PDE4B: variants seen among roughly 807,000 people sequenced by gnomAD.
PDE4B encodes phosphodiesterase 4B, also known as 3',5'-cyclic-AMP phosphodiesterase 4B.
Under a neutral mutation model 82.2 loss-of-function variants are expected in PDE4B, and 20 were observed. The observed-to-expected ratio is 0.24, with a 90% CI of 0.17 to 0.35. The LOEUF is 0.35. PDE4B is among the 10% of genes least tolerant of loss of function. The pLI is 1.00. For synonymous variants in PDE4B, 320 were observed against 318.9 expected (o/e 1.00, Z -0.04); for missense variants, 655 against 907.2 (o/e 0.72, Z 3.57).
intron 3 of PDE4B, among the ~76,000 whole-genome samples, chr1:65,991,994 G>T (rs1440282534): frequency 1.3e-5 from 2 of 152,192 alleles, no homozygotes; most frequent in African/African-American, 4.8e-5. Context: ...CATGAACAAT[G>T]AGCTTAAACA....
chr1:66,238,398 A>G (rs1399302709), intron 3 of PDE4B, among the ~76,000 whole-genome samples: 2 of 152,128 alleles, frequency 1.3e-5, no homozygotes, highest in Non-Finnish European at 2.9e-5. Context: ...CATGGCAAGG[A>G]GTTTGGATTT....
At chr1:65,963,738 G>A (rs1422256920) in intron 3 of PDE4B, among the ~76,000 whole-genome samples, 1 of 152,140 alleles carries the variant, frequency 6.6e-6, no homozygotes, top group East Asian at 1.9e-4. Context: ...GGCCTGAGGC[G>A]AGCCCTGTCA....
At chr1:65,993,281 C>T in intron 3 of PDE4B, 3 of 633,406 alleles carry the variant, frequency 4.7e-6, no homozygotes, top group East Asian at 2.8e-5. Context: ...GAGACCAGGT[C>T]AGATGAAGAG....
intron 3 of PDE4B, among the ~76,000 whole-genome samples, chr1:66,186,153 C>T (rs192571218): frequency 6.0e-4 from 92 of 152,134 alleles, no homozygotes; most frequent in African/African-American, 2.0e-3. Flanking sequence ...TTTAGATATG[C>T]GGCATTATTT....
At chr1:66,060,214 G>T (rs1655512250) in intron 3 of PDE4B, among the ~76,000 whole-genome samples, 1 of 152,166 alleles carries the variant, frequency 6.6e-6, no homozygotes, top group Non-Finnish European at 1.5e-5. Flanking sequence ...ATTAAATTTT[G>T]TAGGGCTAGT....
chr1:65,965,787 C>T (rs997731388), intron 3 of PDE4B, among the ~76,000 whole-genome samples: 7 of 152,004 alleles, frequency 4.6e-5, no homozygotes, highest in Admixed American at 6.6e-5. Context: ...ACAGAACCAA[C>T]GACAAAAATC....
intron 1 of PDE4B, among the ~76,000 whole-genome samples, chr1:65,849,483 G>T (rs1337394554): frequency 6.6e-6 from 1 of 152,160 alleles, no homozygotes; most frequent in Non-Finnish European, 1.5e-5. Flanking sequence ...GAAAGAAACT[G>T]GTTAAGTAGA....
At chr1:66,120,811 C>G (rs1046858712) in intron 3 of PDE4B, among the ~76,000 whole-genome samples, 1 of 152,132 alleles carries the variant, frequency 6.6e-6, no homozygotes, top group Non-Finnish European at 1.5e-5. Context: ...CTCCATGGGT[C>G]CCACAGGCAT....
At chr1:66,156,295 C>G (rs933527331) in intron 3 of PDE4B, among the ~76,000 whole-genome samples, 2 of 152,034 alleles carry the variant, frequency 1.3e-5, no homozygotes, top group Non-Finnish European at 2.9e-5. Flanking sequence ...AACAAAGCAA[C>G]TCTTATAAGT....
At chr1:66,143,962 C>T (rs937424045) in intron 3 of PDE4B, among the ~76,000 whole-genome samples, 2 of 152,180 alleles carry the variant, frequency 1.3e-5, no homozygotes, top group Admixed American at 6.5e-5. Flanking sequence ...GTCTGCCTAC[C>T]CCAGACTCCT....
chr1:66,013,433 A>G (rs1021482327), intron 3 of PDE4B, among the ~76,000 whole-genome samples: 2 of 152,128 alleles, frequency 1.3e-5, no homozygotes, highest in African/African-American at 4.8e-5. Flanking sequence ...TGGAAGAACT[A>G]TCTTCATTTC....
intron 1 of PDE4B, among the ~76,000 whole-genome samples, chr1:65,882,573 C>T (rs1245251971): frequency 6.6e-6 from 1 of 151,736 alleles, no homozygotes; most frequent in Non-Finnish European, 1.5e-5. Flanking sequence ...AGTCAATAAC[C>T]ATTATTAATG....
At chr1:66,195,052 T>A (rs1648172389) in intron 3 of PDE4B, among the ~76,000 whole-genome samples, 1 of 151,086 alleles carries the variant, frequency 6.6e-6, no homozygotes, top group Non-Finnish European at 1.5e-5. Context: ...TCCAGGAACA[T>A]TTGTTATTCA....
rs575121963 is a variant in PDE4B at position 66,331,134 on chromosome 1, C to A, written c.635-1374C>A. Among the ~76,000 whole-genome samples the A allele has an allele frequency of 2.6e-5, 4 of 152,292 alleles. 1 individual carries two copies. Among genetic ancestry groups the A allele is most frequent in the Admixed American group, 2.6e-4 (4 of 15,296 alleles). Reference sequence around the variant, plus strand: ...TTTTCTGCTTCAAGTATTTGCACACCACAGACATAAGATTATTCATATAAT... The same window carrying A: ...TTTTCTGCTTCAAGTATTTGCACACAACAGACATAAGATTATTCATATAAT... On this transcript the variant is annotated intron_variant, in intron 7 of 16. Coordinates refer to ENST00000341517, the MANE Select transcript of PDE4B (RefSeq NM_002600.4).
chr1:66,318,048 C>G (rs932851482), intron 7 of PDE4B, among the ~76,000 whole-genome samples: 11 of 152,176 alleles, frequency 7.2e-5, no homozygotes, highest in African/African-American at 2.4e-4. Flanking sequence ...CTAAAAAGAA[C>G]AAATTCCCAG....
rs145201624 is a variant in PDE4B, at chr1:65,949,026, T to C, written c.281+30191T>C. 2.4e-3 allele frequency among the ~76,000 whole-genome samples: 367 copies of C among 152,160 alleles called. 1 individual carries two copies. Among genetic ancestry groups the C allele is most frequent in the African/African-American group, 8.4e-3 (349 of 41,540 alleles). On this transcript the variant is annotated intron_variant, in intron 3 of 16. Coordinates refer to ENST00000341517, the MANE Select transcript of PDE4B (RefSeq NM_002600.4). ...TGTTCTATGAGCCCTTTCCATAAAT[T>C]CTGTGGGTCATGCCTTGCTGACTCA...
intron 7 of PDE4B, among the ~76,000 whole-genome samples, chr1:66,331,200 A>G (rs1319953672): frequency 6.6e-6 from 1 of 152,248 alleles, no homozygotes; most frequent in African/African-American, 2.4e-5. Flanking sequence ...ATTTCTGTAT[A>G]AATGTATAAA....
At chr1:65,850,460 T>G (rs1313329147) in intron 1 of PDE4B, among the ~76,000 whole-genome samples, 1 of 152,090 alleles carries the variant, frequency 6.6e-6, no homozygotes, top group Non-Finnish European at 1.5e-5. Flanking sequence ...AACAATGAAG[T>G]TATTGTAGTG....
chr1:66,280,430 T>G (rs1656210487), intron 7 of PDE4B, among the ~76,000 whole-genome samples: 1 of 152,246 alleles, frequency 6.6e-6, no homozygotes, highest in Non-Finnish European at 1.5e-5. Flanking sequence ...CTGATTATCT[T>G]AAACTCAATG....
Sources: allele counts gnomAD v4.1 joint callset (sites outside exome capture counted in the v4.1 genomes callset), GRCh38; gene constraint gnomAD v4.1.1; transcripts MANE v1.5; gene names NCBI Gene and HGNC (gene_info 2026-07-23, HGNC 2026-07-21).